TUT4: variants seen among roughly 807,000 people sequenced by gnomAD.
The protein encoded by TUT4 is terminal uridylyltransferase 4.
TUT4 carries 36 observed loss-of-function variants against 192.2 expected under a neutral mutation model. The observed-to-expected ratio is 0.19, with a 90% CI of 0.14 to 0.25. The LOEUF is 0.25. Ranked by LOEUF, TUT4 falls within the 10% of genes least tolerant of loss-of-function variation. The probability of loss-of-function intolerance (pLI) is 1.00; values close to 1 mark genes in which losing one functional copy is unlikely to be tolerated. For synonymous variants in TUT4, 618 were observed against 666.0 expected, an observed-to-expected ratio of 0.93 and a Z score of 1.11; for missense variants, 1,493 against 1,957.2, an observed-to-expected ratio of 0.76 and a Z score of 4.47.
chr1:52,430,257 C>A (rs926498419), intron 28 of TUT4, among the ~76,000 whole-genome samples: 4 of 152,064 alleles, frequency 2.6e-5, no homozygotes, highest in African/African-American at 9.7e-5. Context: ...AACTCTTGGA[C>A]CTACCATCAT....
chr1:52,462,629 A>C, intron 16 of TUT4: 1 of 690,088 alleles, frequency 1.4e-6, no homozygotes, highest in East Asian at 1.4e-4. Context: ...TGAGACATGT[A>C]TGTAAAGCAC....
At chr1:52,439,849 C>T (rs1654976486) in intron 24 of TUT4, among the ~76,000 whole-genome samples, 1 of 151,986 alleles carries the variant, frequency 6.6e-6, no homozygotes, top group Admixed American at 6.6e-5. Context: ...TTCATAATAG[C>T]CAAAAAGTAG....
At chr1:52,438,190 CAAAATG>C (rs1654411365) in intron 25 of TUT4, 24 bp downstream of exon 25, 1 of 1,558,072 alleles carries the variant, frequency 6.4e-7, no homozygotes, top group African/African-American at 1.4e-5. Context: ...TTATTTTCCT[CAAAATG>C]TTGATATATA....
chr1:52,477,864 T>C lies in TUT4; in HGVS notation c.1867A>G (p.Thr623Ala). The change falls in exon 12 of 30, where the codon ACA (threonine) becomes GCA (alanine). Residue 623 changes from threonine to alanine, a missense_variant. By Grantham distance (58) the Thr-to-Ala change is moderately conservative (BLOSUM62 0). Transcript: ENST00000257177. Reference protein sequence around the residue: ...KHGKSPLALETPNRVSLGQLW... With the variant: ...KHGKSPLALEAPNRVSLGQLW... ...TGTCCCAAGGATACCCGATTTGGTG[T>C]TTCCAATGCTAAAGGAGACTGGAAA... 2 of 1,607,824 alleles carry C rather than the reference T, an allele frequency of 1.2e-6. No homozygotes were observed. Among genetic ancestry groups the C allele is most frequent in the Non-Finnish European group, 1.7e-6 (2 of 1,178,030 alleles).
At chr1:52,466,658 A>AG (rs1190197921) in intron 15 of TUT4, among the ~76,000 whole-genome samples, 5 of 135,814 alleles carry the variant, frequency 3.7e-5, no homozygotes, top group African/African-American at 1.6e-4. Context: ...AAAAAAAAAA[A>AG]AATATATATA....
At chr1:52,516,581 T>C (rs1678767361) in intron 2 of TUT4, among the ~76,000 whole-genome samples, 1 of 152,222 alleles carries the variant, frequency 6.6e-6, no homozygotes, top group Non-Finnish European at 1.5e-5. Flanking sequence ...CTAACTAGAT[T>C]GTAATCTCTT....
In TUT4 at chr1:52,515,974, A is replaced by G; in HGVS notation, c.799T>C (p.Ser267Pro). Reference protein sequence around the residue: ...YLENATVIDESALTPEQRLGL... With the variant: ...YLENATVIDEPALTPEQRLGL... ...AGCCTCTGCTCAGGTGTCAATGCAG[A>G]TTCATCTATCACAGTGGCATTTTCT... is the stretch of plus-strand genomic sequence containing the variant. The change falls in exon 3 of 30, where the codon TCT becomes CCT. Residue 267 changes from serine to proline, a missense_variant. Transcript: ENST00000257177. The G allele has an allele frequency of 9.3e-6, 15 of 1,613,578 alleles. No homozygotes were observed. Among genetic ancestry groups the G allele is most frequent in the Non-Finnish European group, 1.3e-5 (15 of 1,179,896 alleles).
In TUT4 at chr1:52,431,034, T is replaced by G; in HGVS notation, c.4690A>C (p.Ser1564Arg). The change falls in exon 28 of 30, where the codon AGT becomes CGT. Residue 1564 changes from serine (S) to arginine (R), a missense_variant. By Grantham distance (110) the Ser-to-Arg change is moderately radical. Transcript: ENST00000257177. Reference protein sequence around the residue: ...RTVAPNSLVNSGAVGNSEPGF... With the variant: ...RTVAPNSLVNRGAVGNSEPGF... ...TTACCTGAATTCCCCACTGCACCAC[T>G]GTTTACCAGGGAATTTGGAGCCACA... The G allele has an allele frequency of 6.3e-7, 1 of 1,596,788 alleles. No individual in the cohort carries two copies. Among genetic ancestry groups the G allele is most frequent in the Non-Finnish European group, 8.6e-7 (1 of 1,166,848 alleles).
chr1:52,539,368 T>C (rs901192284), intron 1 of TUT4, among the ~76,000 whole-genome samples: 1 of 152,058 alleles, frequency 6.6e-6, no homozygotes, highest in Non-Finnish European at 1.5e-5. Flanking sequence ...TATAAAGGGG[T>C]GACCTACAGA....
At chr1:52,494,656 C>A (rs1246377803) in intron 6 of TUT4, among the ~76,000 whole-genome samples, 6 of 152,284 alleles carry the variant, frequency 3.9e-5, no homozygotes, top group Admixed American at 2.0e-4. Context: ...TGCATCACTG[C>A]ACTCCAGCCT....
At chr1:52,498,305 G>A (rs905670109) in intron 4 of TUT4, among the ~76,000 whole-genome samples, 1 of 147,144 alleles carries the variant, frequency 6.8e-6, no homozygotes, top group Non-Finnish European at 1.5e-5. Context: ...GCAGTGGCGC[G>A]ATCTCAGCTC....
intron 17 of TUT4, 38 bp from the exon 18 acceptor site, chr1:52,461,654 T>C (rs182425651): frequency 6.4e-7 from 1 of 1,562,608 alleles, no homozygotes; most frequent in East Asian, 2.3e-5. Flanking sequence ...GGTTAAATAA[T>C]TTTCATATAT....
chr1:52,524,201 G>T (rs1681070344), intron 2 of TUT4, among the ~76,000 whole-genome samples: 1 of 152,092 alleles, frequency 6.6e-6, no homozygotes, highest in Non-Finnish European at 1.5e-5. Context: ...ATACTCAAAA[G>T]GATTTTTTTA....
chr1:52,468,120 T>A (rs975532825), intron 15 of TUT4, 61 bp downstream of exon 15: 7 of 1,231,114 alleles, frequency 5.7e-6, no homozygotes, highest in Non-Finnish European at 7.0e-6. Context: ...TTTAAATAAA[T>A]GAAACTCAAG....
intron 23 of TUT4, 40 bp from the exon 24 acceptor site, chr1:52,445,909 A>G: frequency 1.2e-6 from 2 of 1,600,578 alleles, no homozygotes; most frequent in Non-Finnish European, 1.7e-6. Context: ...TGCAGACATT[A>G]ATGTGTCAGA....
At chr1:52,447,478 A>C (rs1211670136) in intron 20 of TUT4, among the ~76,000 whole-genome samples, 3 of 142,934 alleles carry the variant, frequency 2.1e-5, no homozygotes, top group Admixed American at 1.4e-4. Context: ...ACAAAAAAAC[A>C]AAAAAAAAAA....
chr1:52,443,487 G>C (rs1656358899), intron 24 of TUT4, among the ~76,000 whole-genome samples: 1 of 152,100 alleles, frequency 6.6e-6, no homozygotes, highest in South Asian at 2.1e-4. Flanking sequence ...TACTTGGGAG[G>C]CCGAGGCAGG....
intron 1 of TUT4, among the ~76,000 whole-genome samples, chr1:52,531,109 T>A (rs896453117): frequency 3.9e-5 from 6 of 152,034 alleles, no homozygotes; most frequent in Admixed American, 6.5e-5. Context: ...TGGAAAAAAA[T>A]ATTATCAGAA....
chr1:52,511,367 T>C (rs1340851435), intron 3 of TUT4, among the ~76,000 whole-genome samples: 1 of 152,224 alleles, frequency 6.6e-6, no homozygotes, highest in African/African-American at 2.4e-5. Context: ...CAACTACTTC[T>C]TTACTCATCA....
Sources: gnomAD v4.1 joint callset for allele counts (sites outside exome capture counted in the v4.1 genomes callset) on GRCh38, gnomAD v4.1.1 for gene constraint, MANE v1.5 for transcripts, NCBI Gene and HGNC (gene_info 2026-07-23, HGNC 2026-07-21) for gene names.